The following ZNF514 variants were observed in gnomAD, a reference collection of about 807,000 sequenced individuals.
ZNF514 encodes zinc finger protein 514.
In ZNF514, 12 loss-of-function variants were observed where a neutral mutation model predicts 9.7. That is an observed-to-expected ratio of 1.24 (90% confidence interval 0.79 to 2.01). The LOEUF (loss-of-function observed/expected upper bound fraction) is 2.01, where lower values mean the gene tolerates loss of function less well. Ranked by LOEUF, ZNF514 falls within the 30% of genes most tolerant of loss-of-function variation. The pLI is 0.00. For missense variants in ZNF514, 467 were observed against 465.5 expected, an observed-to-expected ratio of 1.00 and a Z score of -0.03; for synonymous variants, 158 against 163.7, an observed-to-expected ratio of 0.97 and a Z score of 0.27.
the ZNF514 span, among the ~76,000 whole-genome samples, chr2:95,136,987 A>C: frequency 6.6e-6 from 1 of 152,204 alleles, no homozygotes; most frequent in Admixed American, 6.5e-5. Context: ...AAAAACAAAG[A>C]GTGTTTCCTA....
At chr2:95,140,618 A>T (rs147792184), downstream of ZNF514, among the ~76,000 whole-genome samples, 2,609 of 149,874 alleles carry the variant, frequency 0.017, 40 homozygotes, top group Middle Eastern at 0.031. Context: ...ATCTTGAAAA[A>T]ATATATATAT....
the ZNF514 span, among the ~76,000 whole-genome samples, chr2:95,135,452 T>C: frequency 6.6e-6 from 1 of 150,722 alleles, no homozygotes; most frequent in African/African-American, 2.4e-5. Context: ...GACAGGGTCA[T>C]GCTCTATTGC....
At chr2:95,140,992 A>G (rs1676820423), downstream of ZNF514, among the ~76,000 whole-genome samples, 1 of 151,802 alleles carries the variant, frequency 6.6e-6, no homozygotes, top group Non-Finnish European at 1.5e-5. Context: ...AAAAAAGAAA[A>G]GAAAGGAATG....
rs1573382880 is a variant in ZNF514 at position 95,157,285 on chromosome 2, TG to T, written c.-7+65del. The T allele has an allele frequency of 5.6e-6, 6 of 1,066,058 alleles. No homozygotes were observed. The East Asian group carries it at 3.5e-4, about 63-fold the overall frequency. 66.0% of individuals were successfully genotyped at this position (1,066,058 alleles called of 1,614,324 possible). On this transcript the variant is annotated intron_variant, in intron 2 of 4. Transcript: ENST00000295208. ...CTTAGTGAAAAAAGAGGCTACTTTT[TG>T]GTGAAAAGTAGGCAAAGCTAACCAT...
At chr2:95,155,500 T>C (rs1326883495) in intron 2 of ZNF514, 2 of 152,192 alleles carry the variant, frequency 1.3e-5, no homozygotes, top group African/African-American at 4.8e-5. Context: ...TGGATTCAGG[T>C]AATTGTCCTT....
intron 1 of ZNF514, among the ~76,000 whole-genome samples, chr2:95,158,228 T>C (rs557884580): frequency 6.6e-6 from 1 of 152,282 alleles, no homozygotes; most frequent in South Asian, 2.1e-4. Context: ...TCTAGAGAAC[T>C]TCTGGGCAAT....
At chr2:95,141,312 G>A (rs1673208412), downstream of ZNF514, among the ~76,000 whole-genome samples, 1 of 152,132 alleles carries the variant, frequency 6.6e-6, no homozygotes, top group East Asian at 1.9e-4. Context: ...TGGAAAGCTT[G>A]GAAGAATAAA....
chr2:95,124,920 C>T, the ZNF514 span, among the ~76,000 whole-genome samples: 2 of 152,092 alleles, frequency 1.3e-5, no homozygotes, highest in Admixed American at 6.6e-5. Flanking sequence ...CTCACTCTGT[C>T]GCCCAGGCTG....
At chr2:95,123,466 C>T in the ZNF514 span, among the ~76,000 whole-genome samples, 1 of 152,236 alleles carries the variant, frequency 6.6e-6, no homozygotes, top group Non-Finnish European at 1.5e-5. Context: ...TTTCCCTTCA[C>T]CGCCGTCCTT....
At position 95,159,700 on chromosome 2, in the gene ZNF514, GCCAGCC is replaced by G. The variant is rs1322633066; in HGVS notation, c.-562_-557del. ...GCGCCAGCCCCCGCGTCCGCCCCGCGCCAGCCCCCGCGTCCGCCCCGCGCCAGCCCC... is the reference window on the plus strand; with the variant it reads ...GCGCCAGCCCCCGCGTCCGCCCCGCGCCCGCGTCCGCCCCGCGCCAGCCCC... On this transcript the variant is annotated 5_prime_UTR_variant, in exon 1 of 5. Coordinates refer to ENST00000295208, the MANE Select transcript of ZNF514 (RefSeq NM_032788.3). 8 of 129,642 alleles carry G rather than the reference GCCAGCC, an allele frequency of 6.2e-5. No individual in the cohort carries two copies. The highest frequency in any genetic ancestry group is 2.3e-4 in the African/African-American group (8 of 34,560). 8.0% of individuals were successfully genotyped at this position (129,642 alleles called of 1,614,324 possible).
At position 95,147,115 on chromosome 2, in the gene ZNF514, G is replaced by T. The variant is rs527445276; in HGVS notation, c.*2167C>A. 1.3e-5 allele frequency among the ~76,000 whole-genome samples: 2 copies of T among 152,156 alleles called. No individual in the cohort carries two copies. Among genetic ancestry groups the T allele is most frequent in the African/African-American group, 4.8e-5 (2 of 41,444 alleles). On this transcript the variant is annotated 3_prime_UTR_variant, in exon 5 of 5. Coordinates refer to ENST00000295208, the MANE Select transcript of ZNF514 (RefSeq NM_032788.3). ...ATCCTTATTAGGCAAGTATCCTTTG[G>T]TCTACGCCAGCTCCTGGTCTAGGCT...
At chr2:95,126,297 G>A in the ZNF514 span, among the ~76,000 whole-genome samples, 4 of 147,664 alleles carry the variant, frequency 2.7e-5, no homozygotes, top group Non-Finnish European at 4.4e-5. Context: ...CCTGAACCCA[G>A]GAGGTAGAGG....
At chr2:95,138,896 A>G in the ZNF514 span, among the ~76,000 whole-genome samples, 1 of 152,212 alleles carries the variant, frequency 6.6e-6, no homozygotes, top group Admixed American at 6.5e-5. Context: ...GAGGCCTAGG[A>G]GGACTGAATG....
At chr2:95,155,866 C>T (rs1453702394) in intron 2 of ZNF514, among the ~76,000 whole-genome samples, 1 of 152,128 alleles carries the variant, frequency 6.6e-6, no homozygotes, top group East Asian at 1.9e-4. Flanking sequence ...TCCCCGGGTT[C>T]TCACACTGCT....
intron 4 of ZNF514, among the ~76,000 whole-genome samples, chr2:95,152,315 C>T (rs1673564966): frequency 6.6e-6 from 1 of 152,002 alleles, no homozygotes; most frequent in African/African-American, 2.4e-5. Context: ...GGGTGCTCAA[C>T]TTTTTTGTTT....
At chr2:95,129,649 G>A in the ZNF514 span, among the ~76,000 whole-genome samples, 5 of 152,132 alleles carry the variant, frequency 3.3e-5, no homozygotes, top group Non-Finnish European at 7.3e-5. Flanking sequence ...CCTCATCTCA[G>A]TTCATTCATT....
At chr2:95,151,978 G>C (rs1456637685) in intron 4 of ZNF514, among the ~76,000 whole-genome samples, 1 of 152,170 alleles carries the variant, frequency 6.6e-6, no homozygotes, top group East Asian at 1.9e-4. Flanking sequence ...ACTTTCCTGA[G>C]CTTCAGCTCT....
chr2:95,139,317 C>T, the ZNF514 span, among the ~76,000 whole-genome samples: 1 of 152,186 alleles, frequency 6.6e-6, no homozygotes, highest in African/African-American at 2.4e-5. Flanking sequence ...CTCCAGATTC[C>T]AGAATGGTAG....
At chr2:95,134,591 G>A in the ZNF514 span, among the ~76,000 whole-genome samples, 6 of 152,194 alleles carry the variant, frequency 3.9e-5, no homozygotes, top group East Asian at 7.7e-4. Flanking sequence ...TTATTACTGC[G>A]AAAAGAAACC....
Sources: gnomAD v4.1 joint callset for allele counts (sites outside exome capture counted in the v4.1 genomes callset) on GRCh38, gnomAD v4.1.1 for gene constraint, MANE v1.5 for transcripts, NCBI Gene and HGNC (gene_info 2026-07-23, HGNC 2026-07-21) for gene names.